Variants in DHRSX observed in about 807,000 individuals in gnomAD.
The protein encoded by DHRSX is polyprenol dehydrogenase.
DHRSX carries 31 observed loss-of-function variants against 34.0 expected under a neutral mutation model. That is an observed-to-expected ratio of 0.91 (90% CI 0.69 to 1.23). DHRSX has a LOEUF of 1.23. Ranked by LOEUF, DHRSX falls within the 50% of genes most tolerant of loss-of-function variation. The pLI, the probability that DHRSX is intolerant of heterozygous loss-of-function variation, is 0.00. For synonymous variants in DHRSX, 201 were observed against 183.8 expected (o/e 1.09, Z -0.76); for missense variants, 414 against 428.1 (o/e 0.97, Z 0.29).
At chrX:2,356,730 C>T (rs958580054) in intron 3 of DHRSX, among the ~76,000 whole-genome samples, 4 of 152,256 alleles carry the variant, frequency 2.6e-5, no homozygotes, top group Non-Finnish European at 4.4e-5. Flanking sequence ...ATGAAGACCT[C>T]GGGGATGATC....
chrX:2,389,196 G>T (rs1036345325), intron 3 of DHRSX, among the ~76,000 whole-genome samples: 1 of 152,134 alleles, frequency 6.6e-6, no homozygotes, highest in Non-Finnish European at 1.5e-5. Flanking sequence ...GGGACATAGG[G>T]TAACCAGCCA....
chrX:2,332,732 C>A (rs1046349047), intron 3 of DHRSX, among the ~76,000 whole-genome samples: 2 of 152,156 alleles, frequency 1.3e-5, no homozygotes, highest in African/African-American at 4.8e-5. Flanking sequence ...GAATCTTCGA[C>A]AAGAAGATTT....
chrX:2,318,238 T>C (rs893036495), intron 3 of DHRSX, among the ~76,000 whole-genome samples: 2 of 145,764 alleles, frequency 1.4e-5, no homozygotes, highest in African/African-American at 2.5e-5. Flanking sequence ...TGGTGGTGCA[T>C]GCCTGTAGTC....
chrX:2,437,525 GC>G (rs2044006716), intron 1 of DHRSX, among the ~76,000 whole-genome samples: 1 of 151,848 alleles, frequency 6.6e-6, no homozygotes, highest in South Asian at 2.1e-4. Context: ...GATTGCTTGA[GC>G]CTGGGAGAGC....
intron 3 of DHRSX, among the ~76,000 whole-genome samples, chrX:2,328,343 A>C (rs2042414311): frequency 6.6e-6 from 1 of 151,858 alleles, no homozygotes; most frequent in Non-Finnish European, 1.5e-5. Flanking sequence ...ATGAGGACAC[A>C]GACACACACA....
chrX:2,260,324 G>A (rs748938845), intron 5 of DHRSX, among the ~76,000 whole-genome samples: 22 of 151,262 alleles, frequency 1.5e-4, no homozygotes, highest in African/African-American at 5.3e-4. Flanking sequence ...TGGAGGGGAG[G>A]GTCCTTCCTG....
chrX:2,344,151 G>T (rs1236760574), intron 3 of DHRSX, among the ~76,000 whole-genome samples: 5 of 152,176 alleles, frequency 3.3e-5, no homozygotes, highest in African/African-American at 1.2e-4. Flanking sequence ...CAGCAAGCCA[G>T]CCAGCAGGAA....
chrX:2,240,297 A>AAAAAAG (rs1211361073), intron 6 of DHRSX, among the ~76,000 whole-genome samples: 2 of 151,788 alleles, frequency 1.3e-5, no homozygotes, highest in East Asian at 1.9e-4. Flanking sequence ...ATCTCAAAAA[A>AAAAAAG]AAAAAGAAAA....
At chrX:2,245,961 C>CAA (rs1349755698) in intron 5 of DHRSX, among the ~76,000 whole-genome samples, 12,100 of 58,424 alleles carry the variant, frequency 0.21, 978 homozygotes, top group Non-Finnish European at 0.24. Flanking sequence ...GACTCCATCT[C>CAA]AAAAAAAACA....
intron 3 of DHRSX, among the ~76,000 whole-genome samples, chrX:2,367,454 G>GAA (rs763133691): frequency 8.1e-6 from 1 of 123,022 alleles, no homozygotes; most frequent in Non-Finnish European, 1.8e-5. Flanking sequence ...AAAGAAAAAA[G>GAA]AAAAAAAAAA....
chrX:2,359,376 T>C (rs2042898828), intron 3 of DHRSX, among the ~76,000 whole-genome samples: 1 of 152,056 alleles, frequency 6.6e-6, no homozygotes, highest in Non-Finnish European at 1.5e-5. Context: ...GTAGACAGAA[T>C]AAAGAAAATA....
intron 1 of DHRSX, among the ~76,000 whole-genome samples, chrX:2,439,148 C>CAA (rs781530860): frequency 6.7e-5 from 7 of 104,250 alleles, no homozygotes; most frequent in Non-Finnish European, 5.9e-5. Context: ...TTTTTTGTCT[C>CAA]AAAAAAAAAA....
intron 3 of DHRSX, among the ~76,000 whole-genome samples, chrX:2,371,398 T>A (rs868754490): frequency 6.4e-5 from 2 of 31,398 alleles, no homozygotes; most frequent in African/African-American, 2.6e-4. Context: ...AGTCCCCCCT[T>A]CTCACATTAC....
chrX:2,297,572 G>A (rs1413282973), intron 3 of DHRSX, among the ~76,000 whole-genome samples: 2 of 152,150 alleles, frequency 1.3e-5, no homozygotes, highest in Non-Finnish European at 2.9e-5. Context: ...GTTTTCAAAT[G>A]AGGAAATTAT....
intron 3 of DHRSX, among the ~76,000 whole-genome samples, chrX:2,348,886 A>G (rs1187941625): frequency 6.6e-6 from 1 of 151,690 alleles, no homozygotes; most frequent in Non-Finnish European, 1.5e-5. Context: ...TAGAGACGAC[A>G]TTTCACCACG....
chrX:2,391,626 G>C (rs748819062), intron 3 of DHRSX, among the ~76,000 whole-genome samples: 1 of 152,126 alleles, frequency 6.6e-6, no homozygotes, highest in Non-Finnish European at 1.5e-5. Flanking sequence ...AGCCTGCCAC[G>C]AAGCACCCAG....
intron 4 of DHRSX, among the ~76,000 whole-genome samples, chrX:2,273,759 T>A (rs187622301): frequency 6.6e-6 from 1 of 152,336 alleles, no homozygotes; most frequent in African/African-American, 2.4e-5. Flanking sequence ...GCTGGTTCTC[T>A]TAGGATAATG....
At chrX:2,419,392 T>C (rs1444898887) in intron 2 of DHRSX, among the ~76,000 whole-genome samples, 4 of 152,150 alleles carry the variant, frequency 2.6e-5, no homozygotes, top group African/African-American at 9.7e-5. Context: ...CTATGGTTTA[T>C]TGTGGAAGTC....
intron 3 of DHRSX, among the ~76,000 whole-genome samples, chrX:2,403,164 G>A (rs1056106520): frequency 1.3e-5 from 2 of 152,128 alleles, no homozygotes; most frequent in Non-Finnish European, 2.9e-5. Context: ...ATTCAGGGGT[G>A]AGCCACCATG....
Sources: gnomAD v4.1 joint callset for allele counts (sites outside exome capture counted in the v4.1 genomes callset) on GRCh38, gnomAD v4.1.1 for gene constraint, MANE v1.5 for transcripts, NCBI Gene and HGNC (gene_info 2026-07-23, HGNC 2026-07-21) for gene names.